The following MPDZ variants were observed in gnomAD, a reference collection of about 807,000 sequenced individuals.
The protein encoded by MPDZ is multiple PDZ domain crumbs cell polarity complex component.
A neutral mutation model predicts 239.1 loss-of-function variants in MPDZ; 234 were observed. The ratio of observed to expected loss-of-function variants is 0.98; its 90% CI spans 0.88 to 1.09. The LOEUF is 1.09. Among genes scored for constraint, MPDZ ranks in the 50% least tolerant of loss-of-function variants. The pLI, the probability that MPDZ is intolerant of heterozygous loss-of-function variation, is 0.00. For synonymous variants in MPDZ, 1,048 were observed against 881.3 expected, an observed-to-expected ratio of 1.19 and a Z score of -3.35; for missense variants, 3,175 against 2,510.0, an observed-to-expected ratio of 1.26 and a Z score of -5.66.
intron 31 of MPDZ, chr9:13,134,863 T>G (rs1216168511): frequency 6.6e-6 from 1 of 152,282 alleles, no homozygotes; most frequent in Non-Finnish European, 1.5e-5. Flanking sequence ...TGAAGGACAC[T>G]CTTCTCCGCT....
At chr9:13,269,074 G>A (rs1193602956) in intron 1 of MPDZ, among the ~76,000 whole-genome samples, 1 of 152,026 alleles carries the variant, frequency 6.6e-6, no homozygotes, top group Non-Finnish European at 1.5e-5. Flanking sequence ...AGAAAAAAAA[G>A]AAAAGATACA....
chr9:13,195,162 C>A (rs1955483207), intron 13 of MPDZ, among the ~76,000 whole-genome samples: 1 of 151,996 alleles, frequency 6.6e-6, no homozygotes, highest in Non-Finnish European at 1.5e-5. Context: ...GTGCTGCATG[C>A]CTGTAGTCCA....
intron 22 of MPDZ, chr9:13,165,499 T>C (rs939343608): frequency 2.7e-6 from 4 of 1,455,276 alleles, no homozygotes; most frequent in Non-Finnish European, 3.7e-6. Context: ...CATACATATG[T>C]AGTTAAAAGT....
At chr9:13,274,222 T>G (rs1973651175) in intron 1 of MPDZ, among the ~76,000 whole-genome samples, 1 of 152,196 alleles carries the variant, frequency 6.6e-6, no homozygotes, top group African/African-American at 2.4e-5. Flanking sequence ...AAAATAATTT[T>G]AAAACATAAG....
chr9:13,150,435 A>G lies in MPDZ; in HGVS notation c.3630+76T>C, dbSNP rs894603843. 8.4e-6 allele frequency: 10 copies of G among 1,194,910 alleles called. No homozygotes were observed. In the African/African-American group the frequency reaches 1.6e-4, roughly 19 times the overall value. 74.0% of individuals were successfully genotyped at this position (1,194,910 alleles called of 1,614,324 possible). The stretch of plus-strand genomic sequence containing the variant: ...CATGTACCCTAAAACTTAAAGTATA[A>G]TAATAGTAAAATTAAAAAATAAATA... On this transcript the variant is annotated intron_variant, in intron 25 of 46. Transcript: ENST00000319217.
In MPDZ at chr9:13,222,276, C is replaced by T. The variant is rs577701969; in HGVS notation, c.704G>A (p.Arg235His). The change falls in exon 6 of 47, where the codon CGT becomes CAT. Residue 235 changes from arginine (R) to histidine (H), a missense_variant. Arg to His is a conservative substitution (Grantham distance 29). Transcript: ENST00000319217. The stretch of plus-strand genomic sequence containing the variant: ...AATTGTGCTGGCTGCAGATGGAGAA[C>T]GGGAAACTATGGGGCTGACAAGCTG... The part of the protein sequence containing the change: ...LPQLVSPIVS[R>H]SPSAASTISA... 1.5e-5 allele frequency: 24 copies of T among 1,612,608 alleles called. No homozygotes were observed. Among genetic ancestry groups the T allele is most frequent in the Admixed American group, 3.3e-5 (2 of 59,822 alleles).
chr9:13,165,222 A>G, intron 22 of MPDZ: 8 of 792,686 alleles, frequency 1.0e-5, no homozygotes, highest in Non-Finnish European at 1.5e-5. Context: ...GTTCTTACTT[A>G]AACAAAGAAA....
intron 28 of MPDZ, 45 bp from the exon 29 acceptor site, chr9:13,138,198 C>A (rs1005825490): frequency 2.7e-6 from 4 of 1,470,490 alleles, no homozygotes; most frequent in African/African-American, 2.8e-5. Context: ...AGTTAATTTA[C>A]AGTCAAATGC....
intron 10 of MPDZ, among the ~76,000 whole-genome samples, chr9:13,215,969 T>TA (rs1421106404): frequency 3.9e-5 from 5 of 127,178 alleles, no homozygotes; most frequent in Non-Finnish European, 8.1e-5. Context: ...TTTTTTTTTT[T>TA]AGAGATAGGA....
chr9:13,130,518 A>G (rs1037916239), intron 32 of MPDZ, among the ~76,000 whole-genome samples: 2 of 152,220 alleles, frequency 1.3e-5, no homozygotes, highest in African/African-American at 4.8e-5. Context: ...TTCTTCTCTC[A>G]GCATGTGTAT....
rs528613388 is a variant in MPDZ at position 13,140,168 on chromosome 9, T to C, written c.3841-19A>G. The C allele has an allele frequency of 1.8e-5, 29 of 1,611,644 alleles. No homozygotes were observed. In the East Asian group the frequency reaches 5.8e-4, roughly 32 times the overall value. Reference sequence around the variant, plus strand: ...TGGGTGCCTGTGGGAACAAAAAGAATGCAGTGGGTTTGTACAGTCTAAGGA... The same window carrying C: ...TGGGTGCCTGTGGGAACAAAAAGAACGCAGTGGGTTTGTACAGTCTAAGGA... On this transcript the variant is annotated intron_variant, in intron 27 of 46. Coordinates refer to ENST00000319217, the MANE Select transcript of MPDZ (RefSeq NM_001378778.1).
intron 24 of MPDZ, among the ~76,000 whole-genome samples, chr9:13,153,843 A>G (rs771241225): frequency 6.6e-6 from 1 of 152,166 alleles, no homozygotes; most frequent in Non-Finnish European, 1.5e-5. Flanking sequence ...AAGGAAAGAA[A>G]ATGTCTCCAA....
In MPDZ at chr9:13,267,818, G is replaced by C. The variant is rs144665197; in HGVS notation, c.-58+11582C>G. Among the ~76,000 whole-genome samples, 192 of 152,260 alleles carry C rather than the reference G, an allele frequency of 1.3e-3. 1 individual carries two copies. Among genetic ancestry groups the C allele is most frequent in the African/African-American group, 4.5e-3 (185 of 41,544 alleles). ...TCAGAAAATTCCTTAGCATTCACCA[G>C]GCTAACAGAATATAGAGCAAAGTGG... On this transcript the variant is annotated intron_variant, in intron 1 of 46. Transcript: ENST00000319217.
intron 1 of MPDZ, among the ~76,000 whole-genome samples, chr9:13,257,499 T>C (rs1016428197): frequency 1.3e-5 from 2 of 152,182 alleles, no homozygotes; most frequent in Non-Finnish European, 2.9e-5. Flanking sequence ...AAATATATTG[T>C]CAAATTTATA....
At chr9:13,139,176 T>C (rs997439395) in intron 28 of MPDZ, among the ~76,000 whole-genome samples, 15 of 152,200 alleles carry the variant, frequency 9.9e-5, no homozygotes, top group African/African-American at 3.6e-4. Context: ...TCATAAACTA[T>C]TTCCTGACTC....
intron 1 of MPDZ, among the ~76,000 whole-genome samples, chr9:13,265,197 G>C (rs911046145): frequency 6.6e-6 from 1 of 152,192 alleles, no homozygotes; most frequent in African/African-American, 2.4e-5. Flanking sequence ...ATTCTCCAGG[G>C]AAATTACTTC....
At chr9:13,142,686 T>G (rs1429333968) in intron 27 of MPDZ, among the ~76,000 whole-genome samples, 2 of 152,142 alleles carry the variant, frequency 1.3e-5, no homozygotes, top group Admixed American at 1.3e-4. Context: ...ATAATTCTAC[T>G]TGAATTCAGT....
At chr9:13,249,010 T>C (rs1455576695) in intron 2 of MPDZ, among the ~76,000 whole-genome samples, 2 of 52,240 alleles carry the variant, frequency 3.8e-5, no homozygotes, top group Non-Finnish European at 9.4e-5. Flanking sequence ...AAAAAAAAAA[T>C]TGGAATCATC....
chr9:13,115,185 G>C, intron 40 of MPDZ, 63 bp downstream of exon 40: 1 of 1,396,822 alleles, frequency 7.2e-7, no homozygotes, highest in African/African-American at 1.4e-5. Context: ...CACAGTCAGG[G>C]CCATCTATGT....
Sources: allele counts gnomAD v4.1 joint callset (sites outside exome capture counted in the v4.1 genomes callset), GRCh38; gene constraint gnomAD v4.1.1; transcripts MANE v1.5; gene names NCBI Gene and HGNC (gene_info 2026-07-23, HGNC 2026-07-21).